The following SLC44A5 variants were observed in gnomAD, a reference collection of about 807,000 sequenced individuals.
SLC44A5 encodes solute carrier family 44 member 5.
Under a neutral mutation model 101.8 loss-of-function variants are expected in SLC44A5, and 57 were observed. The observed-to-expected ratio is 0.56, with a 90% confidence interval of 0.45 to 0.70. The LOEUF is 0.70. SLC44A5 is among the 30% of genes least tolerant of loss of function. The pLI, the probability that SLC44A5 is intolerant of heterozygous loss-of-function variation, is 0.00. For missense variants in SLC44A5, 737 were observed against 853.1 expected (o/e 0.86, Z 1.70); for synonymous variants, 281 against 290.9 (o/e 0.97, Z 0.35).
intron 1 of SLC44A5, among the ~76,000 whole-genome samples, chr1:75,546,118 A>T (rs1275599103): frequency 3.9e-5 from 6 of 152,176 alleles, no homozygotes; most frequent in Middle Eastern, 3.4e-3. Context: ...CAAGGTGCCC[A>T]GCCCATTCTT....
rs1004460400 is a variant in SLC44A5, at chr1:75,590,683, G to C, written c.-70+20357C>G. ...AGTCTGGCAGTAGTCCTCATGGCCA[G>C]GGGTGGTGGTGGCTATGGGGTGAGG... On this transcript the variant is annotated intron_variant, in intron 1 of 23. Transcript: ENST00000370859. Among the ~76,000 whole-genome samples the C allele has an allele frequency of 2.0e-5, 3 of 152,208 alleles. No individual in the cohort carries two copies. The East Asian group carries it at 5.8e-4, about 29-fold the overall frequency.
chr1:75,503,944 AT>A (rs1161690828), intron 2 of SLC44A5, among the ~76,000 whole-genome samples: 3 of 151,902 alleles, frequency 2.0e-5, no homozygotes, highest in Admixed American at 6.6e-5. Flanking sequence ...TTAAAGAGAG[AT>A]TTTTTTTGTC....
chr1:75,328,289 A>C (rs1332005031), intron 4 of SLC44A5, among the ~76,000 whole-genome samples: 1 of 152,250 alleles, frequency 6.6e-6, no homozygotes, highest in Non-Finnish European at 1.5e-5. Context: ...TGGGCAGAAC[A>C]ATATTTGAAA....
intron 4 of SLC44A5, among the ~76,000 whole-genome samples, chr1:75,331,332 G>A (rs1393299335): frequency 6.6e-6 from 1 of 151,988 alleles, no homozygotes; most frequent in Non-Finnish European, 1.5e-5. Context: ...CTGTACTATA[G>A]GGGAGCATCA....
At chr1:75,215,455 A>T (rs1172671727) in intron 19 of SLC44A5, among the ~76,000 whole-genome samples, 1 of 152,124 alleles carries the variant, frequency 6.6e-6, no homozygotes, top group Non-Finnish European at 1.5e-5. Flanking sequence ...CTTTCTTCCC[A>T]CTAAACTATG....
chr1:75,338,673 C>T (rs1447390471), intron 4 of SLC44A5, among the ~76,000 whole-genome samples: 1 of 152,042 alleles, frequency 6.6e-6, no homozygotes, highest in Non-Finnish European at 1.5e-5. Flanking sequence ...TCTAAGTATA[C>T]CTTTAAATGA....
chr1:75,413,250 C>T (rs1438383760), intron 2 of SLC44A5, among the ~76,000 whole-genome samples: 1 of 151,948 alleles, frequency 6.6e-6, no homozygotes, highest in Non-Finnish European at 1.5e-5. Context: ...TTCAGGCATC[C>T]ACTTGGGGTC....
intron 3 of SLC44A5, among the ~76,000 whole-genome samples, chr1:75,350,188 G>A (rs938063039): frequency 6.6e-6 from 1 of 151,980 alleles, no homozygotes; most frequent in African/African-American, 2.4e-5. Context: ...GATTAGATTA[G>A]AGTTCTTATA....
At chr1:75,318,182 G>T (rs986722501) in intron 4 of SLC44A5, among the ~76,000 whole-genome samples, 1 of 151,986 alleles carries the variant, frequency 6.6e-6, no homozygotes, top group Non-Finnish European at 1.5e-5. Flanking sequence ...TTCAAAATCA[G>T]TCTGGGCAAC....
chr1:75,537,683 C>T (rs1426274288), intron 2 of SLC44A5, among the ~76,000 whole-genome samples: 2 of 152,176 alleles, frequency 1.3e-5, no homozygotes, highest in Non-Finnish European at 2.9e-5. Context: ...GAATTTCTGC[C>T]ATTGGGAATA....
At chr1:75,696,475 T>C in the SLC44A5 span, among the ~76,000 whole-genome samples, 2 of 152,132 alleles carry the variant, frequency 1.3e-5, no homozygotes, top group East Asian at 3.8e-4. Context: ...GGAAGAGAAG[T>C]TGCTAGTGAT....
chr1:75,304,687 A>G (rs1205464883), intron 4 of SLC44A5, among the ~76,000 whole-genome samples: 4 of 152,178 alleles, frequency 2.6e-5, no homozygotes, highest in Non-Finnish European at 5.9e-5. Context: ...TAACTGGGTG[A>G]TCTAAGCTCA....
At chr1:75,467,441 C>T (rs1666884047) in intron 2 of SLC44A5, among the ~76,000 whole-genome samples, 1 of 152,038 alleles carries the variant, frequency 6.6e-6, no homozygotes, top group South Asian at 2.1e-4. Flanking sequence ...TACTATGGAG[C>T]TATAGAAACC....
chr1:75,212,269 T>G (rs1481228508), intron 22 of SLC44A5, among the ~76,000 whole-genome samples: 1 of 152,106 alleles, frequency 6.6e-6, no homozygotes, highest in African/African-American at 2.4e-5. Flanking sequence ...AGGGGTTTTG[T>G]GTACAGATTA....
chr1:75,644,644 T>TA, the SLC44A5 span, among the ~76,000 whole-genome samples: 75 of 48,304 alleles, frequency 1.6e-3, no homozygotes, highest in East Asian at 0.028. Flanking sequence ...ATATATATAT[T>TA]TTTTTTTAAT....
intron 13 of SLC44A5, among the ~76,000 whole-genome samples, chr1:75,223,858 A>G (rs1190707449): frequency 6.6e-6 from 1 of 152,194 alleles, no homozygotes; most frequent in Admixed American, 6.5e-5. Flanking sequence ...TAAAACACCA[A>G]TTTGAACCCA....
intron 1 of SLC44A5, among the ~76,000 whole-genome samples, chr1:75,597,112 T>C (rs1674681428): frequency 6.9e-6 from 1 of 145,866 alleles, no homozygotes; most frequent in African/African-American, 2.6e-5. Flanking sequence ...GGCTTGAGCC[T>C]GGGAGGTGGA....
chr1:75,528,408 A>G (rs1328707048), intron 2 of SLC44A5, among the ~76,000 whole-genome samples: 1 of 152,236 alleles, frequency 6.6e-6, no homozygotes, highest in African/African-American at 2.4e-5. Context: ...TATGGGAAAC[A>G]TTGAGTTAAA....
At chr1:75,653,590 C>G in the SLC44A5 span, among the ~76,000 whole-genome samples, 2 of 152,290 alleles carry the variant, frequency 1.3e-5, no homozygotes, top group Admixed American at 6.5e-5. Context: ...AGGAGATAAT[C>G]TAAGCAATTA....
Sources: gnomAD v4.1 joint callset for allele counts (sites outside exome capture counted in the v4.1 genomes callset) on GRCh38, gnomAD v4.1.1 for gene constraint, MANE v1.5 for transcripts, NCBI Gene and HGNC (gene_info 2026-07-23, HGNC 2026-07-21) for gene names.